The following TPM3 variants were observed in gnomAD, a reference collection of about 807,000 sequenced individuals.
TPM3 encodes the protein tropomyosin 3, also known as tropomyosin alpha-3 chain.
TPM3 carries 16 observed loss-of-function variants against 43.1 expected under a neutral mutation model. The ratio of observed to expected loss-of-function variants is 0.37; its 90% CI spans 0.25 to 0.56. The LOEUF is 0.56. Among genes scored for constraint, TPM3 ranks in the 20% least tolerant of loss-of-function variants. The pLI is 0.77. For synonymous variants in TPM3, 101 were observed against 116.9 expected (o/e 0.86, Z 0.88); for missense variants, 176 against 337.2 (o/e 0.52, Z 3.74).
intron 2 of TPM3, among the ~76,000 whole-genome samples, chr1:154,184,598 T>G (rs1392634634): frequency 1.3e-5 from 2 of 152,200 alleles, no homozygotes; most frequent in Non-Finnish European, 2.9e-5. Context: ...GCCCCCATTT[T>G]ATCAGGAAGA....
At chr1:154,182,151 G>T (rs1663026590) in intron 2 of TPM3, among the ~76,000 whole-genome samples, 2 of 152,184 alleles carry the variant, frequency 1.3e-5, no homozygotes, top group African/African-American at 4.8e-5. Flanking sequence ...AACCAGTTCG[G>T]CTTGCACTGA....
chr1:154,172,180 A>G, intron 5 of TPM3: 5 of 1,475,584 alleles, frequency 3.4e-6, no homozygotes, highest in Non-Finnish European at 4.7e-6. Flanking sequence ...ACACAGCAAG[A>G]AAACAAGCAG....
At position 154,163,038 on chromosome 1, in the gene TPM3, T is replaced by G. The variant is rs775846608; in HGVS notation, c.*4899A>C. On this transcript the variant is annotated 3_prime_UTR_variant, in exon 10 of 10. Transcript: ENST00000651641. The stretch of plus-strand genomic sequence containing the variant: ...GTTGGCCAGGATGGTCTTGATCTCT[T>G]GACCTTGTGATCCACCTGCCTCGGC... Among the ~76,000 whole-genome samples the G allele has an allele frequency of 6.6e-6, 1 of 152,206 alleles. No homozygotes were observed. The highest frequency in any genetic ancestry group is 1.5e-5 in the Non-Finnish European group (1 of 68,038).
intron 8 of TPM3, chr1:154,169,954 G>T (rs1372805565): frequency 4.0e-6 from 1 of 252,620 alleles, no homozygotes; most frequent in African/African-American, 2.3e-5. Flanking sequence ...CCTGACATTG[G>T]TCAATGTTCA....
intron 2 of TPM3, chr1:154,183,028 A>C: frequency 6.2e-7 from 1 of 1,609,342 alleles, no homozygotes; most frequent in Non-Finnish European, 8.5e-7. Context: ...TTCTCGCTGG[A>C]GGCGCTCAGC....
At chr1:154,179,590 A>C (rs1006292125) in intron 2 of TPM3, among the ~76,000 whole-genome samples, 1 of 151,332 alleles carries the variant, frequency 6.6e-6, no homozygotes, top group African/African-American at 2.4e-5. Flanking sequence ...CCCGCAGTTG[A>C]CCCCTCACTC....
chr1:154,179,505 G>C (rs1035034917), intron 2 of TPM3, among the ~76,000 whole-genome samples: 2 of 152,072 alleles, frequency 1.3e-5, no homozygotes, highest in African/African-American at 2.4e-5. Context: ...CCACTCCCTC[G>C]GTAGTACTCT....
At chr1:154,182,857 C>A in intron 2 of TPM3, 7 of 1,432,800 alleles carry the variant, frequency 4.9e-6, no homozygotes, top group Non-Finnish European at 6.8e-6. Context: ...CACCCATCCT[C>A]CGAGATCCCA....
rs1224662339 is a variant in TPM3 at position 154,162,670 on chromosome 1, A to T, written c.*5267T>A. 6.6e-6 allele frequency among the ~76,000 whole-genome samples: 1 copy of T among 152,196 alleles called. No homozygotes were observed. Among genetic ancestry groups the T allele is most frequent in the Non-Finnish European group, 1.5e-5 (1 of 68,030 alleles). ...TTACTCTGATGCTTGACTTCACCCC[A>T]ATACTAGTCCAGGCTCAAGTAACAC... On this transcript the variant is annotated 3_prime_UTR_variant, in exon 10 of 10. Transcript: ENST00000651641.
At chr1:154,183,300 T>C (rs2148283860) in intron 2 of TPM3, 1 of 1,491,086 alleles carries the variant, frequency 6.7e-7, no homozygotes, top group Non-Finnish European at 8.9e-7. Context: ...GGCAGTCCAC[T>C]GGAGGGAGAG....
intron 2 of TPM3, among the ~76,000 whole-genome samples, chr1:154,184,165 G>A (rs1194578710): frequency 6.6e-6 from 1 of 151,894 alleles, no homozygotes; most frequent in Non-Finnish European, 1.5e-5. Context: ...TCCTGCCTCA[G>A]CCTCCCGAGT....
Position 154,162,675 on chromosome 1 carries a change from T to C in TPM3, c.*5262A>G, listed in dbSNP as rs1332874392. Among the ~76,000 whole-genome samples the C allele has an allele frequency of 6.6e-6, 1 of 152,198 alleles. No homozygotes were observed. The highest frequency in any genetic ancestry group is 2.4e-5 in the African/African-American group (1 of 41,446). On this transcript the variant is annotated 3_prime_UTR_variant, in exon 10 of 10. Coordinates refer to ENST00000651641, the MANE Select transcript of TPM3 (RefSeq NM_152263.4). ...CTGATGCTTGACTTCACCCCAATACTAGTCCAGGCTCAAGTAACACAGGAT... is the reference window on the plus strand; with the variant it reads ...CTGATGCTTGACTTCACCCCAATACCAGTCCAGGCTCAAGTAACACAGGAT...
intron 2 of TPM3, among the ~76,000 whole-genome samples, chr1:154,181,357 C>A (rs919104904): frequency 6.6e-6 from 1 of 152,144 alleles, no homozygotes; most frequent in Non-Finnish European, 1.5e-5. Context: ...CAAAAACATT[C>A]TCAGTTATTT....
At chr1:154,173,578 C>A (rs891153394) in intron 3 of TPM3, among the ~76,000 whole-genome samples, 2 of 151,592 alleles carry the variant, frequency 1.3e-5, no homozygotes, top group African/African-American at 2.4e-5. Context: ...GCAGGAGAAT[C>A]ACTTGAACTC....
chr1:154,173,917 T>C (rs754163351), intron 3 of TPM3, among the ~76,000 whole-genome samples: 36 of 151,876 alleles, frequency 2.4e-4, no homozygotes, highest in Non-Finnish European at 3.1e-4. Context: ...GAGGCAGAGG[T>C]TGCAGTAAGC....
rs1558031025 is a variant in TPM3, at chr1:154,163,115, C to A, written c.*4822G>T. Among the ~76,000 whole-genome samples, 1 of 152,158 alleles carries A rather than the reference C, an allele frequency of 6.6e-6. No individual in the cohort carries two copies. Among genetic ancestry groups the A allele is most frequent in the Non-Finnish European group, 1.5e-5 (1 of 68,016 alleles). On this transcript the variant is annotated 3_prime_UTR_variant, in exon 10 of 10. Coordinates refer to ENST00000651641, the MANE Select transcript of TPM3 (RefSeq NM_152263.4). ...TGAGCCACCATGCCCGGTCTACTTC[C>A]TTCCTTTCTAAGAAGTCTTTCTTCA...
intron 2 of TPM3, among the ~76,000 whole-genome samples, chr1:154,180,395 A>AC (rs954553200): frequency 1.3e-5 from 2 of 152,044 alleles, no homozygotes; most frequent in South Asian, 2.1e-4. Context: ...AGCCCAAGCA[A>AC]CCCCCCTCCC....
chr1:154,176,409 T>TTA (rs149945046), intron 2 of TPM3, among the ~76,000 whole-genome samples, 161 bp from the exon 3 acceptor site: 24 of 151,738 alleles, frequency 1.6e-4, no homozygotes, highest in African/African-American at 2.7e-4. Context: ...AGACATAACT[T>TTA]TATATATATA....
chr1:154,159,033 T>G (rs774097843), downstream of TPM3: 1 of 780,654 alleles, frequency 1.3e-6, no homozygotes, highest in Non-Finnish European at 2.4e-6. Context: ...TCGCTCAAGT[T>G]GGCTGTAGAG....
Sources: allele counts gnomAD v4.1 joint callset (sites outside exome capture counted in the v4.1 genomes callset), GRCh38; gene constraint gnomAD v4.1.1; transcripts MANE v1.5; gene names NCBI Gene and HGNC (gene_info 2026-07-23, HGNC 2026-07-21).